BMPR1B: variants seen among roughly 807,000 people sequenced by gnomAD.
BMPR1B encodes the protein bone morphogenetic protein receptor type-1B.
Under a neutral mutation model 59.1 loss-of-function variants are expected in BMPR1B, and 12 were observed. The ratio of observed to expected loss-of-function variants is 0.20; its 90% CI spans 0.13 to 0.33. The LOEUF is 0.33. Among genes scored for constraint, BMPR1B ranks in the 10% least tolerant of loss-of-function variants. The pLI is 1.00. For synonymous variants in BMPR1B, 237 were observed against 207.3 expected (o/e 1.14, Z -1.23); for missense variants, 550 against 610.9 (o/e 0.90, Z 1.05).
intron 3 of BMPR1B, among the ~76,000 whole-genome samples, chr4:95,095,856 A>G (rs1269261004): frequency 6.6e-6 from 1 of 151,896 alleles, no homozygotes; most frequent in African/African-American, 2.4e-5. Context: ...ACAGTCCTTT[A>G]TATCACAAAT....
intron 2 of BMPR1B, among the ~76,000 whole-genome samples, chr4:94,940,676 C>T (rs959307717): frequency 1.3e-5 from 2 of 152,174 alleles, no homozygotes; most frequent in Non-Finnish European, 2.9e-5. Flanking sequence ...ACTAGCTATA[C>T]AGAAGGGCCA....
At chr4:94,897,857 A>G (rs1490992498) in intron 2 of BMPR1B, among the ~76,000 whole-genome samples, 1 of 150,706 alleles carries the variant, frequency 6.6e-6, no homozygotes, top group African/African-American at 2.4e-5. Flanking sequence ...ATATATTCTT[A>G]GTATTGGTTC....
chr4:94,761,414 TCTG>T (rs1189724246), intron 1 of BMPR1B, among the ~76,000 whole-genome samples: 1 of 113,820 alleles, frequency 8.8e-6, no homozygotes, highest in Non-Finnish European at 1.8e-5. Flanking sequence ...GCTGTATAAT[TCTG>T]TGTGTGTGTG....
At position 95,157,281 on chromosome 4, in the gene BMPR1B, G is replaced by T. The variant is rs535968542; in HGVS notation, c.*2608G>T. 2.0e-5 allele frequency: 3 copies of T among 152,086 alleles called. No homozygotes were observed. The highest frequency in any genetic ancestry group is 2.1e-4 in the South Asian group (1 of 4,816). The allele number at this position is 152,086 out of a possible 1,614,324, so 9.4% of individuals were successfully genotyped here. A position where few individuals can be genotyped will look rare whatever the true frequency, so the allele number is the denominator to read the frequency against. On this transcript the variant is annotated 3_prime_UTR_variant, in exon 13 of 13. Transcript: ENST00000515059. ...CGATTATAGTTGCTCAATGAAACAA[G>T]AATTTATTTATGCATAGATTTTTCT...
chr4:95,076,944 A>G (rs1182111932), intron 3 of BMPR1B, among the ~76,000 whole-genome samples: 1 of 152,176 alleles, frequency 6.6e-6, no homozygotes, highest in Non-Finnish European at 1.5e-5. Flanking sequence ...ATGCCTTCCT[A>G]AGAACCTTAG....
In BMPR1B at chr4:94,992,942, GCA is replaced by G. The variant is rs1406699707; in HGVS notation, c.-112-3095_-112-3094del. 3.9e-5 allele frequency among the ~76,000 whole-genome samples: 6 copies of G among 152,226 alleles called. No individual in the cohort carries two copies. In the East Asian group the frequency reaches 5.8e-4, roughly 15 times the overall value. ...CTGCCATCCAGGCTGGAGTCCAGGG[GCA>G]CAGTCAATAGCTCACTGTAGCCTCG... On this transcript the variant is annotated intron_variant, in intron 2 of 12. Transcript: ENST00000515059.
chr4:94,809,666 A>G (rs1723740347), intron 1 of BMPR1B, among the ~76,000 whole-genome samples: 1 of 152,240 alleles, frequency 6.6e-6, no homozygotes, highest in East Asian at 1.9e-4. Flanking sequence ...ACCAAAGTGT[A>G]GAAAAGAGAA....
chr4:95,038,046 G>A (rs1219298944), intron 3 of BMPR1B, among the ~76,000 whole-genome samples: 1 of 152,094 alleles, frequency 6.6e-6, no homozygotes, highest in Non-Finnish European at 1.5e-5. Flanking sequence ...TTGAGAGTTT[G>A]GGAATGGGGT....
intron 2 of BMPR1B, among the ~76,000 whole-genome samples, chr4:94,963,027 A>T (rs1345016862): frequency 6.6e-6 from 1 of 152,182 alleles, no homozygotes; most frequent in African/African-American, 2.4e-5. Context: ...ACTGGGGTAG[A>T]GATGATAACT....
chr4:94,864,198 G>A (rs4459997), intron 1 of BMPR1B, among the ~76,000 whole-genome samples: 67,857 of 151,956 alleles, frequency 0.45, 16,167 homozygotes, highest in African/African-American at 0.62. Context: ...CTTGAGCTTC[G>A]ACCAGTATAA....
rs1203020717 is a variant in BMPR1B at position 95,100,226 on chromosome 4, C to T, written c.-17-4182C>T. Among the ~76,000 whole-genome samples, 7 of 152,064 alleles carry T rather than the reference C, an allele frequency of 4.6e-5. No homozygotes were observed. In the South Asian group the frequency reaches 1.5e-3, roughly 32 times the overall value. On this transcript the variant is annotated intron_variant, in intron 3 of 12. Coordinates refer to ENST00000515059, the MANE Select transcript of BMPR1B (RefSeq NM_001203.3). Reference sequence around the variant, plus strand: ...ATACCTTCATTTGGAAGGAATATCTCCTCCAATAACTTTCTGAGAAAGATA... The same window carrying T: ...ATACCTTCATTTGGAAGGAATATCTTCTCCAATAACTTTCTGAGAAAGATA...
At chr4:95,138,177 G>C (rs11945184) in intron 10 of BMPR1B, among the ~76,000 whole-genome samples, 15,789 of 152,108 alleles carry the variant, frequency 0.1, 2,016 homozygotes, top group African/African-American at 0.3. Flanking sequence ...GCTTAGTTTG[G>C]CTGGATGTGA....
intron 10 of BMPR1B, among the ~76,000 whole-genome samples, chr4:95,146,582 G>T (rs897597446): frequency 6.6e-6 from 1 of 152,176 alleles, no homozygotes; most frequent in Non-Finnish European, 1.5e-5. Context: ...CTTCTGTGTG[G>T]ATTGTCTTAA....
intron 1 of BMPR1B, among the ~76,000 whole-genome samples, chr4:94,776,034 T>C (rs1353515792): frequency 6.9e-6 from 1 of 145,610 alleles, no homozygotes; most frequent in African/African-American, 2.5e-5. Flanking sequence ...GGGCTTGCGG[T>C]GAGCTGAGAT....
chr4:94,760,158 G>A (rs567937551), intron 1 of BMPR1B, among the ~76,000 whole-genome samples: 14 of 152,112 alleles, frequency 9.2e-5, no homozygotes, highest in Non-Finnish European at 1.5e-4. Context: ...TTAAAATCTT[G>A]ATTTATGTCA....
intron 3 of BMPR1B, among the ~76,000 whole-genome samples, chr4:95,031,345 C>G (rs1397271437): frequency 3.9e-5 from 6 of 152,108 alleles, no homozygotes; most frequent in Admixed American, 3.3e-4. Context: ...AATGACATGA[C>G]TGGACCCTGA....
intron 11 of BMPR1B, among the ~76,000 whole-genome samples, chr4:95,150,334 T>C (rs915504569): frequency 7.9e-5 from 12 of 151,452 alleles, no homozygotes; most frequent in African/African-American, 2.9e-4. Context: ...TTATAAAGAG[T>C]AGATAAGCCT....
At chr4:94,980,991 TCACA>T (rs71583675) in intron 2 of BMPR1B, among the ~76,000 whole-genome samples, 1 of 21,758 alleles carries the variant, frequency 4.6e-5, no homozygotes, top group Admixed American at 5.4e-4. Flanking sequence ...CAAGACTCCA[TCACA>T]CACACACACA....
chr4:95,071,839 A>T (rs1728326077), intron 3 of BMPR1B, among the ~76,000 whole-genome samples: 1 of 151,850 alleles, frequency 6.6e-6, no homozygotes, highest in South Asian at 2.1e-4. Context: ...TTTGTTTTTT[A>T]AAATGCCTGG....
Sources: allele counts gnomAD v4.1 joint callset (sites outside exome capture counted in the v4.1 genomes callset), GRCh38; gene constraint gnomAD v4.1.1; transcripts MANE v1.5; gene names NCBI Gene and HGNC (gene_info 2026-07-23, HGNC 2026-07-21).